Variants in GABRA3 observed in about 807,000 individuals in gnomAD.
GABRA3 encodes gamma-aminobutyric acid receptor subunit alpha-3.
In GABRA3, 10 loss-of-function variants were observed where a neutral mutation model predicts 30.1. That is an observed-to-expected ratio of 0.33 (90% CI 0.20 to 0.56). The LOEUF is 0.56. Ranked by LOEUF, GABRA3 falls within the 20% of genes least tolerant of loss-of-function variation. The pLI is 0.89. For missense variants in GABRA3, 233 were observed against 392.0 expected (o/e 0.59, Z 3.42); for synonymous variants, 151 against 146.8 (o/e 1.03, Z -0.21).
chrX:152,214,827 T>C (rs1330810704), intron 6 of GABRA3, among the ~76,000 whole-genome samples: 2 of 110,278 alleles, frequency 1.8e-5, no homozygotes, highest in African/African-American at 6.6e-5. Flanking sequence ...TTTATTGTTT[T>C]GTAGCTATTG....
chrX:152,347,344 A>G (rs369513421), intron 2 of GABRA3, among the ~76,000 whole-genome samples: 1 of 111,760 alleles, frequency 8.9e-6, no homozygotes, highest in East Asian at 2.8e-4. Flanking sequence ...GAGGTTGGGA[A>G]GGATAGTGGA....
chrX:152,251,691 A>T (rs1013882156), intron 5 of GABRA3, among the ~76,000 whole-genome samples: 2 of 109,878 alleles, frequency 1.8e-5, no homozygotes, highest in Non-Finnish European at 3.8e-5. Flanking sequence ...ACTCCACTCC[A>T]TTCTTTCCAC....
At position 152,401,820 on chromosome X, in the gene GABRA3, G is replaced by A. The variant is rs894080673; in HGVS notation, c.-26-37224C>T. On this transcript the variant is annotated intron_variant, in intron 1 of 9. Transcript: ENST00000370314. ...GGTCTGCTTGGAGACCATTGTAGGA[G>A]AACAGCGACTATAGGATAGAGATTT... is the stretch of plus-strand genomic sequence containing the variant. Among the ~76,000 whole-genome samples the A allele has an allele frequency of 1.7e-4, 19 of 111,492 alleles. 1 individual carries two copies. The highest frequency in any genetic ancestry group is 1.3e-4 in the Non-Finnish European group (7 of 53,138).
intron 3 of GABRA3, among the ~76,000 whole-genome samples, chrX:152,290,672 T>A (rs1386559699): frequency 8.9e-6 from 1 of 112,124 alleles, no homozygotes; most frequent in Non-Finnish European, 1.9e-5. Flanking sequence ...CTTTATTCAA[T>A]CTTGAATTAA....
At position 152,168,434 on chromosome X, in the gene GABRA3, A is replaced by G; in HGVS notation, c.1273T>C (p.Ser425Pro). ...TISKGAAPSASSTPTIIASPK... is the reference protein window; with the variant it reads ...TISKGAAPSAPSTPTIIASPK... ...GAAGCAATGATTGTTGGGGTTGAGG[A>G]GGCACTGGGAGCAGCGCCCTTGGAG... Residue 425 changes from serine (S) to proline (P), a missense_variant, in exon 10 of 10, where the codon TCC becomes CCC. Around this residue, in one of 6 missense-constraint regions of GABRA3, gnomAD observed 66 missense variants for 57.1 expected, o/e 1.16. Transcript: ENST00000370314. The G allele has an allele frequency of 8.3e-7, 1 of 1,211,715 alleles. No individual in the cohort carries two copies. The highest frequency in any genetic ancestry group is 1.1e-6 in the Non-Finnish European group (1 of 895,445).
intron 1 of GABRA3, among the ~76,000 whole-genome samples, chrX:152,395,517 C>T (rs981709916): frequency 9.0e-6 from 1 of 111,182 alleles, no homozygotes; most frequent in Non-Finnish European, 1.9e-5. Context: ...TATCCGATAT[C>T]CACAATACTG....
chrX:152,402,230 G>A lies in GABRA3; in HGVS notation c.-26-37634C>T, dbSNP rs141243920. Among the ~76,000 whole-genome samples, 458 of 111,750 alleles carry A rather than the reference G, an allele frequency of 4.1e-3. 1 individual carries two copies. Among genetic ancestry groups the A allele is most frequent in the African/African-American group, 0.014 (419 of 30,730 alleles). The stretch of plus-strand genomic sequence containing the variant: ...GAATCTCCTATTCCAGAAGCTGATG[G>A]AGGAAAACTTTTCTCTATTCTGCAG... On this transcript the variant is annotated intron_variant, in intron 1 of 9. Coordinates refer to ENST00000370314, the MANE Select transcript of GABRA3 (RefSeq NM_000808.4).
chrX:152,235,504 A>G (rs551408207), intron 5 of GABRA3, among the ~76,000 whole-genome samples: 62 of 111,581 alleles, frequency 5.6e-4, no homozygotes, highest in Non-Finnish European at 8.8e-4. Flanking sequence ...CCCAACAAAC[A>G]ATTGTCAGAA....
chrX:152,227,275 C>G (rs1260106309), intron 5 of GABRA3, among the ~76,000 whole-genome samples: 18 of 103,068 alleles, frequency 1.7e-4, no homozygotes, highest in South Asian at 1.4e-3. Context: ...AGTAAACTAT[C>G]GCAAGGACAA....
chrX:152,415,956 T>G (rs1174645834), intron 1 of GABRA3, among the ~76,000 whole-genome samples: 1 of 105,917 alleles, frequency 9.4e-6, no homozygotes, highest in African/African-American at 3.3e-5. Context: ...CTGTAATAAT[T>G]GCATGGCCAA....
At chrX:152,255,373 T>G (rs1263652061) in intron 5 of GABRA3, among the ~76,000 whole-genome samples, 3 of 112,293 alleles carry the variant, frequency 2.7e-5, no homozygotes, top group Non-Finnish European at 5.6e-5. Context: ...CTCTGCATCA[T>G]AGGGATAGTT....
intron 6 of GABRA3, among the ~76,000 whole-genome samples, chrX:152,222,794 C>T (rs1429107871): frequency 9.1e-6 from 1 of 110,051 alleles, no homozygotes; most frequent in Non-Finnish European, 1.9e-5. Context: ...CTAATCTAGT[C>T]TGTCTCTGCT....
chrX:152,279,295 T>G (rs1233648525), intron 4 of GABRA3, among the ~76,000 whole-genome samples: 1 of 112,048 alleles, frequency 8.9e-6, no homozygotes, highest in Non-Finnish European at 1.9e-5. Context: ...GTCTAAGGTG[T>G]AAGGAAGGGA....
At chrX:152,255,202 G>A (rs1242608095) in intron 5 of GABRA3, among the ~76,000 whole-genome samples, 1 of 111,100 alleles carries the variant, frequency 9.0e-6, no homozygotes, top group Non-Finnish European at 1.9e-5. Flanking sequence ...AAATTGTTTG[G>A]AAAATTCACT....
intron 3 of GABRA3, among the ~76,000 whole-genome samples, chrX:152,338,197 A>T (rs1337106817): frequency 9.0e-6 from 1 of 111,628 alleles, no homozygotes; most frequent in Non-Finnish European, 1.9e-5. Context: ...AGCATCTGTT[A>T]TTGTCCAACT....
intron 5 of GABRA3, among the ~76,000 whole-genome samples, chrX:152,255,059 T>C (rs1481322978): frequency 9.0e-6 from 1 of 111,624 alleles, no homozygotes; most frequent in Non-Finnish European, 1.9e-5. Context: ...AATTGTGATG[T>C]TTTTATCCAT....
chrX:152,306,741 C>G (rs746856043), intron 3 of GABRA3, among the ~76,000 whole-genome samples: 2 of 112,259 alleles, frequency 1.8e-5, no homozygotes, highest in Non-Finnish European at 3.8e-5. Flanking sequence ...AAATACACTG[C>G]CAATCTGCCA....
intron 3 of GABRA3, among the ~76,000 whole-genome samples, chrX:152,295,514 T>C (rs1018644188): frequency 8.8e-5 from 10 of 113,100 alleles, no homozygotes; most frequent in African/African-American, 2.6e-4. Context: ...AGGCATGGGA[T>C]ATAATCTCCT....
chrX:152,285,639 G>C (rs781449464), intron 3 of GABRA3, among the ~76,000 whole-genome samples: 1 of 110,595 alleles, frequency 9.0e-6, no homozygotes, highest in South Asian at 3.8e-4. Flanking sequence ...CCTTAGACTG[G>C]GTAATTTATA....
Sources: allele counts gnomAD v4.1 joint callset (sites outside exome capture counted in the v4.1 genomes callset), GRCh38; gene constraint gnomAD v4.1.1; regional missense constraint gnomAD v4.1.1; transcripts MANE v1.5; gene names NCBI Gene and HGNC (gene_info 2026-07-23, HGNC 2026-07-21).